The following LHFPL6 variants were observed in gnomAD, a reference collection of about 807,000 sequenced individuals.
The protein encoded by LHFPL6 is LHFPL tetraspan subfamily member 6 protein.
In LHFPL6, 9 loss-of-function variants were observed where a neutral mutation model predicts 20.6. The observed-to-expected ratio is 0.44, with a 90% CI of 0.26 to 0.76. LHFPL6 has a LOEUF of 0.76. Among genes scored for constraint, LHFPL6 ranks in the 30% least tolerant of loss-of-function variants. The pLI is 0.20. For missense variants in LHFPL6, 218 were observed against 253.5 expected (o/e 0.86, Z 0.95); for synonymous variants, 105 against 98.7 (o/e 1.06, Z -0.38).
intron 3 of LHFPL6, among the ~76,000 whole-genome samples, chr13:39,372,122 A>G (rs1053963361): frequency 1.3e-5 from 2 of 152,042 alleles, no homozygotes; most frequent in Admixed American, 6.6e-5. Flanking sequence ...CCTTGCTATA[A>G]TAAGAGATCT....
At chr13:39,437,021 G>A (rs1426128151) in intron 2 of LHFPL6, among the ~76,000 whole-genome samples, 1 of 152,186 alleles carries the variant, frequency 6.6e-6, no homozygotes, top group Non-Finnish European at 1.5e-5. Context: ...CATTCAAAAG[G>A]TGACAAATTT....
chr13:39,597,919 A>G (rs562422571), intron 2 of LHFPL6, among the ~76,000 whole-genome samples: 4 of 152,328 alleles, frequency 2.6e-5, no homozygotes, highest in African/African-American at 7.2e-5. Context: ...ATGTTATACC[A>G]TATGTACAAA....
At chr13:39,597,328 T>C (rs184555668) in intron 2 of LHFPL6, among the ~76,000 whole-genome samples, 135 of 152,344 alleles carry the variant, frequency 8.9e-4, no homozygotes, top group African/African-American at 3.0e-3. Context: ...ACGCTTAATA[T>C]GTCTTTACAA....
chr13:39,433,738 C>T (rs1238476827), intron 2 of LHFPL6, among the ~76,000 whole-genome samples: 3 of 152,186 alleles, frequency 2.0e-5, no homozygotes, highest in African/African-American at 7.2e-5. Context: ...CCCTTGATTG[C>T]TGCTCAAAGC....
At chr13:39,408,277 G>A (rs1255450481) in intron 2 of LHFPL6, among the ~76,000 whole-genome samples, 2 of 152,188 alleles carry the variant, frequency 1.3e-5, no homozygotes, top group African/African-American at 4.8e-5. Context: ...CTAACTTGTA[G>A]ACTAAACTTA....
chr13:39,588,219 T>A (rs1175634731), intron 2 of LHFPL6, among the ~76,000 whole-genome samples: 1 of 152,184 alleles, frequency 6.6e-6, no homozygotes, highest in African/African-American at 2.4e-5. Context: ...TGGACTGTAA[T>A]TATACCTTGC....
chr13:39,391,267 C>T (rs1041756162), intron 2 of LHFPL6, among the ~76,000 whole-genome samples: 1 of 152,168 alleles, frequency 6.6e-6, no homozygotes, highest in African/African-American at 2.4e-5. Flanking sequence ...TTTGATACCA[C>T]AGCAAACCAA....
chr13:39,538,731 AG>A (rs919235588), intron 2 of LHFPL6, among the ~76,000 whole-genome samples: 25 of 152,232 alleles, frequency 1.6e-4, no homozygotes, highest in African/African-American at 5.8e-4. Context: ...AATTTCATTA[AG>A]GAAAAACTAT....
chr13:39,354,354 G>C (rs535396279), intron 3 of LHFPL6, among the ~76,000 whole-genome samples: 1 of 151,966 alleles, frequency 6.6e-6, no homozygotes, highest in Admixed American at 6.6e-5. Context: ...CAAACCCTCA[G>C]ACAAATAAAG....
At chr13:39,455,346 T>A (rs1872545892) in intron 2 of LHFPL6, among the ~76,000 whole-genome samples, 2 of 152,116 alleles carry the variant, frequency 1.3e-5, no homozygotes, top group African/African-American at 4.8e-5. Flanking sequence ...AGTGAAAAAG[T>A]TGAAATTTCA....
In LHFPL6 at chr13:39,600,926, G is replaced by A. The variant is rs143520726; in HGVS notation, c.291C>T (p.Leu97=). 215 of 1,598,120 alleles carry A rather than the reference G, an allele frequency of 1.3e-4. No individual in the cohort carries two copies. In the East Asian group the frequency reaches 3.8e-3, roughly 28 times the overall value. Residue 97 remains leucine, a synonymous_variant, in exon 2 of 4, where the codon CTC becomes CTT. Transcript: ENST00000379589. The part of the protein sequence containing the change: ...IVTGLGCGLL[L]LVALTALMGC... ...CCATGAGGGCAGTGAGCGCCACCAG[G>A]AGGAGGAGGCCACAACCCAGGCCGG...
chr13:39,590,910 G>T (rs1872572714), intron 2 of LHFPL6, among the ~76,000 whole-genome samples: 2 of 152,152 alleles, frequency 1.3e-5, no homozygotes, highest in African/African-American at 4.8e-5. Flanking sequence ...TGGCCTCAGG[G>T]GTATCTGGCT....
At chr13:39,409,389 G>A (rs1273908405) in intron 2 of LHFPL6, among the ~76,000 whole-genome samples, 1 of 152,118 alleles carries the variant, frequency 6.6e-6, no homozygotes, top group East Asian at 1.9e-4. Context: ...GGGAGGTGGA[G>A]GTTGCAGTGA....
chr13:39,430,286 C>T (rs1871758624), intron 2 of LHFPL6, among the ~76,000 whole-genome samples: 1 of 152,184 alleles, frequency 6.6e-6, no homozygotes, highest in African/African-American at 2.4e-5. Context: ...CTCAAGGTCA[C>T]AAGCTTGGGC....
chr13:39,476,810 T>C (rs1179451595), intron 2 of LHFPL6, among the ~76,000 whole-genome samples: 1 of 152,186 alleles, frequency 6.6e-6, no homozygotes, highest in Non-Finnish European at 1.5e-5. Flanking sequence ...TTCAAGATGA[T>C]GGCAAACAGA....
At chr13:39,580,207 G>A (rs1477548093) in intron 2 of LHFPL6, among the ~76,000 whole-genome samples, 1 of 151,870 alleles carries the variant, frequency 6.6e-6, no homozygotes, top group East Asian at 1.9e-4. Context: ...AATTAAAGAT[G>A]GGGTCTCACA....
intron 2 of LHFPL6, among the ~76,000 whole-genome samples, chr13:39,458,093 T>C (rs1201343635): frequency 6.6e-6 from 1 of 152,150 alleles, no homozygotes; most frequent in Non-Finnish European, 1.5e-5. Context: ...TTCAATTACA[T>C]AATGGAGAAA....
intron 2 of LHFPL6, among the ~76,000 whole-genome samples, chr13:39,433,488 A>C (rs1474404335): frequency 1.3e-5 from 2 of 152,210 alleles, no homozygotes; most frequent in African/African-American, 2.4e-5. Context: ...GTGCTTAATA[A>C]ATATCAAAAA....
chr13:39,431,338 A>C (rs945910946), intron 2 of LHFPL6, among the ~76,000 whole-genome samples: 6 of 152,272 alleles, frequency 3.9e-5, no homozygotes, highest in African/African-American at 1.2e-4. Flanking sequence ...CTGAAGGAAC[A>C]AACTCCAGAC....
Sources: allele counts gnomAD v4.1 joint callset (sites outside exome capture counted in the v4.1 genomes callset), GRCh38; gene constraint gnomAD v4.1.1; transcripts MANE v1.5; gene names NCBI Gene and HGNC (gene_info 2026-07-23, HGNC 2026-07-21).